The following SCAPER variants were observed in gnomAD, a reference collection of about 807,000 sequenced individuals.
SCAPER encodes S phase cyclin A-associated protein in the endoplasmic reticulum.
Under a neutral mutation model 182.2 loss-of-function variants are expected in SCAPER, and 98 were observed. The observed-to-expected ratio is 0.54, with a 90% CI of 0.46 to 0.64. The LOEUF is 0.64. SCAPER is among the 30% of genes least tolerant of loss of function. SCAPER has a pLI of 0.00. For synonymous variants in SCAPER, 605 were observed against 564.6 expected, an observed-to-expected ratio of 1.07 and a Z score of -1.01; for missense variants, 1,432 against 1,690.0, an observed-to-expected ratio of 0.85 and a Z score of 2.68.
intron 16 of SCAPER, among the ~76,000 whole-genome samples, chr15:76,732,645 T>A (rs2151050060): frequency 6.6e-6 from 1 of 152,190 alleles, no homozygotes; most frequent in Non-Finnish European, 1.5e-5. Flanking sequence ...GACTCTCCCT[T>A]TCCCCCGGGG....
intron 15 of SCAPER, among the ~76,000 whole-genome samples, chr15:76,751,008 T>A (rs772578718): frequency 1.3e-5 from 2 of 151,712 alleles, no homozygotes; most frequent in Non-Finnish European, 3.0e-5. Flanking sequence ...CCAAAAAAAA[T>A]TGTTAGAAGT....
Position 76,688,270 on chromosome 15 carries a change from A to G in SCAPER, c.2508+13488T>C, listed in dbSNP as rs534625294. On this transcript the variant is annotated intron_variant, in intron 20 of 31. Transcript: ENST00000563290. The stretch of plus-strand genomic sequence containing the variant: ...AAGTGTCTGTTCATATCCTCCGCCC[A>G]CTTTTTGATGGGGTTGTTTTCTTCC... Among the ~76,000 whole-genome samples, 6 of 152,218 alleles carry G rather than the reference A, an allele frequency of 3.9e-5. 1 individual carries two copies. The highest frequency in any genetic ancestry group is 1.4e-4 in the African/African-American group (6 of 41,530).
intron 26 of SCAPER, among the ~76,000 whole-genome samples, chr15:76,427,353 T>G (rs1254130875): frequency 1.3e-5 from 2 of 151,984 alleles, no homozygotes; most frequent in Non-Finnish European, 2.9e-5. Context: ...TATACAAAAC[T>G]TAAATAACTC....
intron 21 of SCAPER, among the ~76,000 whole-genome samples, chr15:76,628,676 C>T (rs777990585): frequency 7.9e-5 from 12 of 151,990 alleles, no homozygotes; most frequent in Admixed American, 2.0e-4. Flanking sequence ...TTACTGTAGC[C>T]CTATAATATA....
At chr15:76,863,384 C>T (rs2072029129) in intron 2 of SCAPER, among the ~76,000 whole-genome samples, 1 of 152,204 alleles carries the variant, frequency 6.6e-6, no homozygotes, top group Admixed American at 6.5e-5. Flanking sequence ...AGCCCAAAAT[C>T]CCAGTCCAAT....
intron 4 of SCAPER, among the ~76,000 whole-genome samples, chr15:76,850,420 C>T (rs925879171): frequency 1.3e-5 from 2 of 152,100 alleles, no homozygotes; most frequent in Admixed American, 6.5e-5. Flanking sequence ...ACAGAGTTTC[C>T]CTGGGAAGAG....
chr15:76,679,644 A>G (rs1002606013), intron 20 of SCAPER, among the ~76,000 whole-genome samples: 3 of 152,240 alleles, frequency 2.0e-5, no homozygotes, highest in Admixed American at 6.5e-5. Flanking sequence ...AAGCTAATGA[A>G]ATACTGTGAA....
intron 22 of SCAPER, among the ~76,000 whole-genome samples, chr15:76,617,364 C>T (rs909391963): frequency 6.6e-6 from 1 of 152,188 alleles, no homozygotes; most frequent in African/African-American, 2.4e-5. Context: ...TCTATCCTTT[C>T]CCTAATGACT....
intron 23 of SCAPER, among the ~76,000 whole-genome samples, chr15:76,562,742 G>C (rs1224377753): frequency 6.6e-6 from 1 of 152,148 alleles, no homozygotes; most frequent in African/African-American, 2.4e-5. Context: ...AGAGACATAT[G>C]TTATGACCCA....
chr15:76,572,999 A>G (rs780196373), intron 23 of SCAPER, among the ~76,000 whole-genome samples: 8 of 151,918 alleles, frequency 5.3e-5, no homozygotes, highest in Non-Finnish European at 1.2e-4. Context: ...ACAATGAAGG[A>G]CTTACTCTAC....
At chr15:76,691,820 A>G (rs1453264673) in intron 20 of SCAPER, among the ~76,000 whole-genome samples, 2 of 152,174 alleles carry the variant, frequency 1.3e-5, no homozygotes, top group Non-Finnish European at 2.9e-5. Flanking sequence ...AAAACTCTTA[A>G]AAGTGTAAAA....
intron 2 of SCAPER, among the ~76,000 whole-genome samples, chr15:76,868,934 A>C (rs2072499631): frequency 6.6e-6 from 1 of 152,218 alleles, no homozygotes; most frequent in Non-Finnish European, 1.5e-5. Flanking sequence ...CCAATGGAAC[A>C]GAATAGAGAA....
At chr15:76,526,396 TA>T (rs1375600780) in intron 23 of SCAPER, among the ~76,000 whole-genome samples, 11 of 152,322 alleles carry the variant, frequency 7.2e-5, no homozygotes, top group Admixed American at 3.3e-4. Context: ...TCTAGTAGTT[TA>T]AAGTATTTTC....
chr15:76,717,006 T>C (rs1279843234), intron 17 of SCAPER, among the ~76,000 whole-genome samples: 1 of 151,840 alleles, frequency 6.6e-6, no homozygotes, highest in Non-Finnish European at 1.5e-5. Context: ...GAAAAGACAA[T>C]GAAATAGTTT....
At chr15:76,779,279 A>G (rs2063942838) in intron 8 of SCAPER, among the ~76,000 whole-genome samples, 1 of 152,164 alleles carries the variant, frequency 6.6e-6, no homozygotes, top group African/African-American at 2.4e-5. Context: ...ATGATAAACC[A>G]TATCTGAGGC....
intron 29 of SCAPER, among the ~76,000 whole-genome samples, chr15:76,370,805 C>G (rs2042115242): frequency 6.6e-6 from 1 of 152,182 alleles, no homozygotes; most frequent in Non-Finnish European, 1.5e-5. Context: ...TGGACCATTT[C>G]TACTCATAAA....
In SCAPER at chr15:76,517,142, G is replaced by A. The variant is rs189083602; in HGVS notation, c.2839-12168C>T. ...ATCTTGCATGTAACTGCAAGTATGC[G>A]TTTGACTTTTGGGACCCTTATCTCT... On this transcript the variant is annotated intron_variant, in intron 23 of 31. Coordinates refer to ENST00000563290, the MANE Select transcript of SCAPER (RefSeq NM_020843.4). 2.2e-3 allele frequency among the ~76,000 whole-genome samples: 338 copies of A among 152,002 alleles called. 1 individual carries two copies. Among genetic ancestry groups the A allele is most frequent in the African/African-American group, 7.7e-3 (318 of 41,436 alleles).
chr15:76,783,013 T>G (rs1023878611), intron 8 of SCAPER, among the ~76,000 whole-genome samples: 2 of 151,530 alleles, frequency 1.3e-5, no homozygotes, highest in Non-Finnish European at 2.9e-5. Context: ...CTAGCAGAAG[T>G]CAAGAAATAA....
At chr15:76,629,125 G>A (rs1293382721) in intron 21 of SCAPER, among the ~76,000 whole-genome samples, 1 of 152,076 alleles carries the variant, frequency 6.6e-6, no homozygotes, top group Non-Finnish European at 1.5e-5. Flanking sequence ...TTTGTATCGT[G>A]AGACTTTGCT....
Sources: allele counts gnomAD v4.1 joint callset (sites outside exome capture counted in the v4.1 genomes callset), GRCh38; gene constraint gnomAD v4.1.1; transcripts MANE v1.5; gene names NCBI Gene and HGNC (gene_info 2026-07-23, HGNC 2026-07-21).